C12orf57: variants seen among roughly 807,000 people sequenced by gnomAD.
C12orf57 encodes the protein protein C10.
Under a neutral mutation model 11.3 loss-of-function variants are expected in C12orf57, and 14 were observed. The observed-to-expected ratio is 1.24, with a 90% CI of 0.82 to 1.94. C12orf57 has a LOEUF of 1.94. Ranked by LOEUF, C12orf57 falls within the 30% of genes most tolerant of loss-of-function variation. The pLI is 0.00. For synonymous variants in C12orf57, 100 were observed against 74.6 expected (o/e 1.34, Z -1.76); for missense variants, 229 against 172.4 (o/e 1.33, Z -1.84).
At chr12:6,944,914 C>CA in intron 2 of C12orf57, 1 of 1,355,528 alleles carries the variant, frequency 7.4e-7, no homozygotes, top group Middle Eastern at 2.5e-4. Flanking sequence ...TTTCAGATTT[C>CA]GGAATATTTA....
At chr12:6,945,218 C>T in intron 2 of C12orf57, 1 of 191,696 alleles carries the variant, frequency 5.2e-6, no homozygotes, top group Non-Finnish European at 1.1e-5. Context: ...ATTATTATTC[C>T]ATTTTGTGAT....
chr12:6,945,096 C>T (rs1462939352), intron 2 of C12orf57: 2 of 281,240 alleles, frequency 7.1e-6, no homozygotes, highest in Non-Finnish European at 1.3e-5. Context: ...CTCCCCCACC[C>T]CCCACTATGA....
At position 6,945,920 on chromosome 12, in the gene C12orf57, T is replaced by G; in HGVS notation, c.379T>G (p.Ter127GlyextTer?). Residue 127 changes from the stop codon to glycine, a stop_lost, in exon 3 of 3, where the codon TGA becomes GGA. Transcript: ENST00000229281. ...PAAGGSVAAS* is the reference protein window; with the variant it reads ...PAAGGSVAASG The stretch of plus-strand genomic sequence containing the variant: ...TGCTGGTGGCAGCGTGGCCGCCTCC[T>G]GAGAGTTGGCCCTCCCTTGTGCCAC... 6.2e-7 allele frequency: 1 copy of G among 1,610,550 alleles called. No individual in the cohort carries two copies. The highest frequency in any genetic ancestry group is 8.5e-7 in the Non-Finnish European group (1 of 1,179,486).
In C12orf57 at chr12:6,946,001, T is replaced by C. The variant is rs1307841172; in HGVS notation, c.*79T>C. 1.3e-6 allele frequency: 2 copies of C among 1,504,558 alleles called. No homozygotes were observed. The highest frequency in any genetic ancestry group is 1.4e-5 in the African/African-American group (1 of 72,606). The allele number at this position is 1,504,558 out of a possible 1,614,324, so 93.2% of individuals were successfully genotyped here. ...GACAATAATAAATGCGCCTGTGACTTAGCCTTGGTGTCAGTCTCTTGCGGA... is the reference window on the plus strand; with the variant it reads ...GACAATAATAAATGCGCCTGTGACTCAGCCTTGGTGTCAGTCTCTTGCGGA... On this transcript the variant is annotated 3_prime_UTR_variant, in exon 3 of 3. Coordinates refer to ENST00000229281, the MANE Select transcript of C12orf57 (RefSeq NM_138425.4).
upstream of C12orf57, chr12:6,944,016 C>G (rs781973025): frequency 4.4e-6 from 7 of 1,605,012 alleles, no homozygotes; most frequent in East Asian, 2.2e-5. Flanking sequence ...GCGCCGGATG[C>G]TGTTTCCTTT....
chr12:6,943,930 G>GGGTAGTTTT (rs1297981576), upstream of C12orf57: 2 of 1,330,454 alleles, frequency 1.5e-6, no homozygotes, highest in Non-Finnish European at 2.0e-6. Flanking sequence ...CAAAAATTAT[G>GGGTAGTTTT]GGTAGTTTTG....
upstream of C12orf57, chr12:6,943,867 CG>C (rs1234047971): frequency 2.1e-6 from 2 of 939,242 alleles, no homozygotes; most frequent in South Asian, 3.5e-5. Context: ...GGCTTTTTAC[CG>C]GAAAGCCCCT....
chr12:6,944,159 C>G lies in C12orf57; in HGVS notation c.38C>G (p.Ala13Gly). ...TCGACCCAACCGGCGGCCTTGAGCGCTGAGCAAGCAAAGGGTGAGAATCGT... is the reference window on the plus strand; with the variant it reads ...TCGACCCAACCGGCGGCCTTGAGCGGTGAGCAAGCAAAGGGTGAGAATCGT... ...SASTQPAALS[A>G]EQAKVVLAEV... Residue 13 changes from alanine (A) to glycine (G), a missense_variant, in exon 1 of 3, where the codon GCT (alanine) becomes GGT (glycine). Ala to Gly is a moderately conservative substitution (Grantham distance 60, BLOSUM62 0). Transcript: ENST00000229281. 6.2e-7 allele frequency: 1 copy of G among 1,614,214 alleles called. No individual in the cohort carries two copies. The highest frequency in any genetic ancestry group is 8.5e-7 in the Non-Finnish European group (1 of 1,180,018).
At chr12:6,944,898 G>C in intron 2 of C12orf57, 1 of 1,388,654 alleles carries the variant, frequency 7.2e-7, no homozygotes, top group Non-Finnish European at 9.3e-7. Context: ...GAAGTGTTTC[G>C]GGTTTTTTCA....
chr12:6,944,050 G>C lies in C12orf57; in HGVS notation c.-72G>C, dbSNP rs1030778732. 6 of 1,611,558 alleles carry C rather than the reference G, an allele frequency of 3.7e-6. No homozygotes were observed. The highest frequency in any genetic ancestry group is 1.3e-5 in the African/African-American group (1 of 74,916). ...TTCCGCTCCCAGGGGCGTTGGGAAC[G>C]GTTGTAGGACGTGGCTCTTTATTCG... is the stretch of plus-strand genomic sequence containing the variant. On this transcript the variant is annotated 5_prime_UTR_variant, in exon 1 of 3. Coordinates refer to ENST00000229281, the MANE Select transcript of C12orf57 (RefSeq NM_138425.4).
chr12:6,943,767 A>T, upstream of C12orf57: 1 of 1,063,150 alleles, frequency 9.4e-7, no homozygotes, highest in Non-Finnish European at 1.2e-6. Context: ...CACCCTCATC[A>T]ATTGTGGAGT....
At chr12:6,944,016 CTG>C, upstream of C12orf57, 1 of 1,605,130 alleles carries the variant, frequency 6.2e-7, no homozygotes. Flanking sequence ...GCGCCGGATG[CTG>C]TTTCCTTTCC....
chr12:6,943,597 C>CA (rs1945683228), upstream of C12orf57: 1 of 1,289,666 alleles, frequency 7.8e-7, no homozygotes, highest in African/African-American at 1.5e-5. Flanking sequence ...CTCAACCAAT[C>CA]AGCACCGAAC....
upstream of C12orf57, chr12:6,943,901 A>AAAT: frequency 8.9e-7 from 1 of 1,120,926 alleles, no homozygotes; most frequent in Non-Finnish European, 1.2e-6. Context: ...GTTGCCAATG[A>AAAT]TAGATTGTTT....
In C12orf57 at chr12:6,945,745, G is replaced by T. The variant is rs373947491; in HGVS notation, c.230-26G>T. 3.6e-4 allele frequency: 575 copies of T among 1,611,672 alleles called. 5 individuals are homozygous for T. The South Asian group carries it at 5.8e-3, about 16-fold the overall frequency. On this transcript the variant is annotated intron_variant, in intron 2 of 2. Transcript: ENST00000229281. ...TAGGCACGCTGGTCCTTAGGAGAAG[G>T]GTTGACCTTCCACTCCCTCTTGCAG... is the stretch of plus-strand genomic sequence containing the variant.
At chr12:6,945,026 T>C (rs1945766053) in intron 2 of C12orf57, 1 of 454,118 alleles carries the variant, frequency 2.2e-6, no homozygotes, top group African/African-American at 2.0e-5. Flanking sequence ...GGTAATTTTA[T>C]ATAATAGTCT....
chr12:6,944,023 C>A lies in C12orf57; in HGVS notation c.-99C>A, dbSNP rs111966673. ...TTCCGGCTGCGCCGGATGCTGTTTC[C>A]TTTCCGCTCCCAGGGGCGTTGGGAA... On this transcript the variant is annotated 5_prime_UTR_variant, in exon 1 of 3. Transcript: ENST00000229281. 2.5e-6 allele frequency: 4 copies of A among 1,607,346 alleles called. No homozygotes were observed. Among genetic ancestry groups the A allele is most frequent in the Non-Finnish European group, 2.5e-6 (3 of 1,179,346 alleles).
upstream of C12orf57, chr12:6,943,842 T>C (rs932737231): frequency 2.1e-5 from 19 of 884,744 alleles, no homozygotes; most frequent in East Asian, 1.0e-4. Flanking sequence ...TTAGAATTTG[T>C]CTAGTAGGCT....
upstream of C12orf57, chr12:6,944,004 C>T (rs980583198): frequency 1.3e-5 from 20 of 1,594,970 alleles, no homozygotes; most frequent in African/African-American, 6.8e-5. Context: ...GCGCTTCCGG[C>T]TGCGCCGGAT....
Sources: allele counts gnomAD v4.1 joint callset, GRCh38; gene constraint gnomAD v4.1.1; transcripts MANE v1.5; gene names NCBI Gene and HGNC (gene_info 2026-07-23, HGNC 2026-07-21).